The following SLC5A5 variants were observed in gnomAD, a reference collection of about 807,000 sequenced individuals.
The protein encoded by SLC5A5 is solute carrier family 5 member 5.
In SLC5A5, 56 loss-of-function variants were observed where a neutral mutation model predicts 68.6. That is an observed-to-expected ratio of 0.82 (90% CI 0.66 to 1.02). The LOEUF (loss-of-function observed/expected upper bound fraction) is 1.02, where lower values mean the gene tolerates loss of function less well. Ranked by LOEUF, SLC5A5 falls within the 50% of genes least tolerant of loss-of-function variation. The probability of loss-of-function intolerance (pLI) is 0.00; values close to 1 mark genes in which losing one functional copy is unlikely to be tolerated. For missense variants in SLC5A5, 807 were observed against 859.8 expected (o/e 0.94, Z 0.77); for synonymous variants, 398 against 373.0 (o/e 1.07, Z -0.77).
chr19:17,877,149 G>A lies in SLC5A5; in HGVS notation c.699-574G>A, dbSNP rs2094309437. Among the ~76,000 whole-genome samples, 3 of 152,030 alleles carry A rather than the reference G, an allele frequency of 2.0e-5. No individual in the cohort carries two copies. In the South Asian group the frequency reaches 6.2e-4, roughly 31 times the overall value. ...GCTCTCTTCTCCTCCCCTCAGACCA[G>A]ATTGGGGGCTAAAGCCTCTCTGAAC... is the stretch of plus-strand genomic sequence containing the variant. On this transcript the variant is annotated intron_variant, in intron 5 of 14. Transcript: ENST00000222248.
rs886054281 is a variant in SLC5A5, at chr19:17,872,267, C to T, written c.-53C>T. 9.2e-6 allele frequency: 12 copies of T among 1,306,388 alleles called. No individual in the cohort carries two copies. The highest frequency in any genetic ancestry group is 1.5e-5 in the African/African-American group (1 of 68,612). The allele number at this position is 1,306,388 out of a possible 1,614,324, so 80.9% of individuals were successfully genotyped here. On this transcript the variant is annotated 5_prime_UTR_variant, in exon 1 of 15. Coordinates refer to ENST00000222248, the MANE Select transcript of SLC5A5 (RefSeq NM_000453.3). ...CTCCTCGGCCCCTGCCAGCTTCCCC[C>T]GCTTGAGCACGCAGGGCGTCCGAGG...
intron 13 of SLC5A5, among the ~76,000 whole-genome samples, chr19:17,889,832 G>T (rs75600833): frequency 6.6e-6 from 1 of 151,992 alleles, no homozygotes; most frequent in South Asian, 2.1e-4. Context: ...TAAAGCTGCC[G>T]GTGACTCCGC....
In SLC5A5 at chr19:17,894,123, G is replaced by A. The variant is rs2030315711; in HGVS notation, c.*246G>A. On this transcript the variant is annotated 3_prime_UTR_variant, in exon 15 of 15. Coordinates refer to ENST00000222248, the MANE Select transcript of SLC5A5 (RefSeq NM_000453.3). ...AGCCCTGACGGCTCCCCCCAAATAA[G>A]GCTGGGTTTTTCTCTCTCTCTTTTT... is the stretch of plus-strand genomic sequence containing the variant. The A allele has an allele frequency of 4.0e-6, 2 of 497,514 alleles. No individual in the cohort carries two copies. Among genetic ancestry groups the A allele is most frequent in the East Asian group, 7.0e-5 (2 of 28,392 alleles). The allele number at this position is 497,514 out of a possible 1,614,324, so 30.8% of individuals were successfully genotyped here. A position where few individuals can be genotyped will look rare whatever the true frequency, so the allele number is the denominator to read the frequency against.
rs1388507618 is a variant in SLC5A5, at chr19:17,880,047, C to T, written c.970-818C>T. ...CCGAGTAGCTGGGATGACAGGCATGCGCCACCATGCCCAGCTAATTTTTTT... is the reference window on the plus strand; with the variant it reads ...CCGAGTAGCTGGGATGACAGGCATGTGCCACCATGCCCAGCTAATTTTTTT... On this transcript the variant is annotated intron_variant, in intron 7 of 14. Coordinates refer to ENST00000222248, the MANE Select transcript of SLC5A5 (RefSeq NM_000453.3). 3.3e-5 allele frequency among the ~76,000 whole-genome samples: 5 copies of T among 151,784 alleles called. 1 individual carries two copies. In the South Asian group the frequency reaches 8.3e-4, roughly 25 times the overall value.
At chr19:17,877,888 G>T in intron 6 of SLC5A5, 25 bp downstream of exon 6, 1 of 1,613,874 alleles carries the variant, frequency 6.2e-7, no homozygotes, top group East Asian at 2.2e-5. Context: ...GAGCAAGGTC[G>T]GGGTTTCTGG....
chr19:17,876,864 C>G lies in SLC5A5; in HGVS notation c.698+758C>G, dbSNP rs559259835. Among the ~76,000 whole-genome samples the G allele has an allele frequency of 2.8e-4, 42 of 150,084 alleles. No homozygotes were observed. The South Asian group carries it at 5.9e-3, about 21-fold the overall frequency. On this transcript the variant is annotated intron_variant, in intron 5 of 14. Transcript: ENST00000222248. ...TGACAGAGAGAGACTCCGTCCCCCC[C>G]CTAAAAAAAAAAAAAATTAGCAGGG...
At position 17,878,102 on chromosome 19, in the gene SLC5A5, C is replaced by T. The variant is rs1406932831; in HGVS notation, c.969+9C>T. 1 of 1,609,704 alleles carries T rather than the reference C, an allele frequency of 6.2e-7. No individual in the cohort carries two copies. Among genetic ancestry groups the T allele is most frequent in the Non-Finnish European group, 8.5e-7 (1 of 1,179,986 alleles). On this transcript the variant is annotated intron_variant, in intron 7 of 14. Transcript: ENST00000222248. ...TCTCTGCCCCAGACCAGGTGAGTCC[C>T]ACCCAGGCTCCTGGTTGGCTCTGCA...
intron 14 of SLC5A5, among the ~76,000 whole-genome samples, chr19:17,891,261 A>G (rs2030158334): frequency 6.6e-6 from 1 of 152,090 alleles, no homozygotes; most frequent in South Asian, 2.1e-4. Context: ...GCTGGAGTGC[A>G]GTGGTGCAAT....
intron 2 of SLC5A5, 102 bp downstream of exon 2, chr19:17,874,305 AT>A: frequency 6.6e-6 from 1 of 150,880 alleles, no homozygotes; most frequent in Non-Finnish European, 1.1e-5. Context: ...CCCGCCCCCC[AT>A]GCTCCCGTTC....
rs2094321794 is a variant in SLC5A5 at position 17,882,053 on chromosome 19, G to T, written c.1152G>T (p.Val384=). ...RLRSLAPRKL[V]IISKGLSLIY... Reference sequence around the variant, plus strand: ...GGAGCCTGGCACCCAGGAAACTCGTGATTATCTCCAAGGGGCTCTGTGAGT... The same window carrying T: ...GGAGCCTGGCACCCAGGAAACTCGTTATTATCTCCAAGGGGCTCTGTGAGT... The change falls in exon 9 of 15, where the codon GTG becomes GTT. Residue 384 remains valine (V), a synonymous_variant. Transcript: ENST00000222248. 6.2e-7 allele frequency: 1 copy of T among 1,613,980 alleles called. No homozygotes were observed. The highest frequency in any genetic ancestry group is 1.7e-5 in the Admixed American group (1 of 59,998).
chr19:17,891,663 A>T (rs1248492788), intron 14 of SLC5A5, among the ~76,000 whole-genome samples: 1 of 152,256 alleles, frequency 6.6e-6, no homozygotes, highest in Non-Finnish European at 1.5e-5. Context: ...CTTAAAATAA[A>T]ATTACTTAAT....
intron 2 of SLC5A5, 103 bp downstream of exon 2, chr19:17,874,306 T>C (rs1334397453): frequency 3.3e-5 from 6 of 183,194 alleles, no homozygotes; most frequent in East Asian, 2.5e-4. Context: ...CCGCCCCCCA[T>C]GCTCCCGTTC....
intron 7 of SLC5A5, among the ~76,000 whole-genome samples, chr19:17,878,406 G>A (rs543351152): frequency 2.5e-4 from 38 of 152,130 alleles, no homozygotes; most frequent in Non-Finnish European, 5.3e-4. Context: ...TCAGGAGGCT[G>A]AGGCAGGAGA....
intron 11 of SLC5A5, 40 bp downstream of exon 11, chr19:17,883,807 C>T: frequency 2.5e-6 from 4 of 1,605,896 alleles, no homozygotes; most frequent in Non-Finnish European, 3.4e-6. Context: ...GGGGCGGGGC[C>T]GGACAGGCCC....
Position 17,888,363 on chromosome 19 carries a change from C to G in SLC5A5, c.1559C>G (p.Ala520Gly). 6.2e-7 allele frequency: 1 copy of G among 1,614,010 alleles called. No individual in the cohort carries two copies. The highest frequency in any genetic ancestry group is 8.5e-7 in the Non-Finnish European group (1 of 1,180,012). The change falls in exon 13 of 15, where the codon GCT (alanine) becomes GGT (glycine). Residue 520 changes from alanine (A) to glycine (G), a missense_variant. Transcript: ENST00000222248. ...ATGGACGCCAGCCGACCCGCCTTAG[C>G]TGACAGCTTCTATGCCATCTCCTAT... is the stretch of plus-strand genomic sequence containing the variant. ...SGMDASRPAL[A>G]DSFYAISYLY... is the part of the protein sequence containing the mutation.
Position 17,872,244 on chromosome 19 carries a change from C to G in SLC5A5, c.-76C>G, listed in dbSNP as rs1414691182. The G allele has an allele frequency of 1.3e-6, 1 of 751,656 alleles. No individual in the cohort carries two copies. The highest frequency in any genetic ancestry group is 2.2e-6 in the Non-Finnish European group (1 of 457,820). The allele number at this position is 751,656 out of a possible 1,614,324, so 46.6% of individuals were successfully genotyped here. A position where few individuals can be genotyped will look rare whatever the true frequency, so the allele number is the denominator to read the frequency against. On this transcript the variant is annotated 5_prime_UTR_variant, in exon 1 of 15. Transcript: ENST00000222248. Reference sequence around the variant, plus strand: ...CCCACCCGCCCTCCCCGTCCTGCCTCCTCGGCCCCTGCCAGCTTCCCCCGC... The same window carrying G: ...CCCACCCGCCCTCCCCGTCCTGCCTGCTCGGCCCCTGCCAGCTTCCCCCGC...
rs2094321720 is a variant in SLC5A5, at chr19:17,882,033, C to T, written c.1132C>T (p.Leu378=). The change falls in exon 9 of 15, where the codon CTG becomes TTG. Residue 378 remains leucine (L), a synonymous_variant. Transcript: ENST00000222248. The part of the protein sequence containing the change: ...EDLIKPRLRS[L]APRKLVIISK... ...CCTCATCAAACCTCGGCTGCGGAGC[C>T]TGGCACCCAGGAAACTCGTGATTAT... The T allele has an allele frequency of 1.9e-6, 3 of 1,614,094 alleles. No individual in the cohort carries two copies. Among genetic ancestry groups the T allele is most frequent in the South Asian group, 2.2e-5 (2 of 91,088 alleles).
rs1322501930 is a variant in SLC5A5, at chr19:17,874,724, C to T, written c.536C>T (p.Thr179Met). 9.3e-6 allele frequency: 15 copies of T among 1,614,116 alleles called. No individual in the cohort carries two copies. The highest frequency in any genetic ancestry group is 2.7e-5 in the African/African-American group (2 of 75,054). ...LSTGIICTFY[T>M]AVGGMKAVVW... ...ACCGGAATTATCTGCACCTTCTACA[C>T]GGCTGTGGTGAGTGGCCCTGGGAAC... is the stretch of plus-strand genomic sequence containing the variant. Residue 179 changes from threonine to methionine, a missense_variant, in exon 4 of 15, where the codon ACG (threonine) becomes ATG (methionine). Coordinates refer to ENST00000222248, the MANE Select transcript of SLC5A5 (RefSeq NM_000453.3).
Position 17,893,611 on chromosome 19 carries a change from C to T in SLC5A5, c.1768-102C>T, listed in dbSNP as rs944997891. 21 of 1,191,966 alleles carry T rather than the reference C, an allele frequency of 1.8e-5. No individual in the cohort carries two copies. In the East Asian group the frequency reaches 2.7e-4, roughly 15 times the overall value. 73.8% of individuals were successfully genotyped at this position (1,191,966 alleles called of 1,614,324 possible). On this transcript the variant is annotated intron_variant, in intron 14 of 14. Coordinates refer to ENST00000222248, the MANE Select transcript of SLC5A5 (RefSeq NM_000453.3). Reference sequence around the variant, plus strand: ...ATAGTATGCAATTCTGTGCACGCCCCGTCCCGCCAGGTCATCAGTAGCCCA... The same window carrying T: ...ATAGTATGCAATTCTGTGCACGCCCTGTCCCGCCAGGTCATCAGTAGCCCA...
Sources: allele counts gnomAD v4.1 joint callset (sites outside exome capture counted in the v4.1 genomes callset), GRCh38; gene constraint gnomAD v4.1.1; transcripts MANE v1.5; gene names NCBI Gene and HGNC (gene_info 2026-07-23, HGNC 2026-07-21).